The following VWA8 variants were observed in gnomAD, a reference collection of about 807,000 sequenced individuals.
VWA8 encodes von Willebrand factor A domain containing 8, also known as von Willebrand factor A domain-containing protein 8.
A neutral mutation model predicts 241.5 loss-of-function variants in VWA8; 221 were observed. That is an observed-to-expected ratio of 0.91 (90% CI 0.82 to 1.02). VWA8 has a LOEUF of 1.02. VWA8 is among the 50% of genes least tolerant of loss of function. The pLI, the probability that VWA8 is intolerant of heterozygous loss-of-function variation, is 0.00. For missense variants in VWA8, 2,322 were observed against 2,328.7 expected (o/e 1.00, Z 0.06); for synonymous variants, 852 against 827.1 (o/e 1.03, Z -0.52).
At chr13:41,810,540 CAT>C (rs1390992105) in intron 17 of VWA8, among the ~76,000 whole-genome samples, 2 of 152,056 alleles carry the variant, frequency 1.3e-5, no homozygotes, top group African/African-American at 4.8e-5. Flanking sequence ...ACAAACTTCA[CAT>C]GTTTTCACTC....
At chr13:41,900,817 A>G (rs1025231125) in intron 4 of VWA8, among the ~76,000 whole-genome samples, 7 of 152,238 alleles carry the variant, frequency 4.6e-5, no homozygotes, top group African/African-American at 1.7e-4. Flanking sequence ...AAAAGTACTG[A>G]GGAAGCTAAA....
At chr13:41,866,190 T>C (rs887747488) in intron 10 of VWA8, among the ~76,000 whole-genome samples, 154 bp from the exon 11 acceptor site, 11 of 151,794 alleles carry the variant, frequency 7.2e-5, no homozygotes, top group South Asian at 6.2e-4. Flanking sequence ...TCTACAAAAA[T>C]ACAAAAAAAT....
chr13:41,790,797 G>GA (rs573884295), intron 17 of VWA8, among the ~76,000 whole-genome samples: 27 of 152,008 alleles, frequency 1.8e-4, no homozygotes, highest in African/African-American at 6.3e-4. Flanking sequence ...TCTAGAAAAT[G>GA]AATTATGCAT....
intron 37 of VWA8, among the ~76,000 whole-genome samples, chr13:41,619,624 A>T (rs1395189356): frequency 2.0e-5 from 3 of 152,156 alleles, no homozygotes; most frequent in East Asian, 3.8e-4. Flanking sequence ...CATAGCTCTT[A>T]TTATTTTGAG....
intron 17 of VWA8, among the ~76,000 whole-genome samples, chr13:41,799,985 T>C (rs1324445521): frequency 6.6e-6 from 1 of 152,214 alleles, no homozygotes; most frequent in African/African-American, 2.4e-5. Flanking sequence ...ATCTACTTTC[T>C]GTCTCTATGG....
chr13:41,613,807 T>G (rs1466854618), intron 38 of VWA8, among the ~76,000 whole-genome samples: 1 of 152,124 alleles, frequency 6.6e-6, no homozygotes. Context: ...ATCAAATGAC[T>G]TGTTGGGCCA....
At chr13:41,608,488 C>T (rs1325361254) in intron 39 of VWA8, among the ~76,000 whole-genome samples, 1 of 152,178 alleles carries the variant, frequency 6.6e-6, no homozygotes, top group Non-Finnish European at 1.5e-5. Context: ...TGTGGACTAA[C>T]TGCATTTTGT....
chr13:41,749,265 C>G (rs1300582978), intron 21 of VWA8, among the ~76,000 whole-genome samples: 2 of 152,226 alleles, frequency 1.3e-5, no homozygotes, highest in Admixed American at 6.5e-5. Flanking sequence ...TGCTCATCAT[C>G]ACTGGCCATC....
At chr13:41,787,575 G>A (rs537647267) in intron 17 of VWA8, 32 bp from the exon 18 acceptor site, 2 of 1,407,418 alleles carry the variant, frequency 1.4e-6, no homozygotes, top group Non-Finnish European at 2.0e-6. Flanking sequence ...AGGGGGAAAT[G>A]GCTTAAGTCA....
At chr13:41,927,747 T>G (rs1342498262) in intron 2 of VWA8, among the ~76,000 whole-genome samples, 1 of 152,074 alleles carries the variant, frequency 6.6e-6, no homozygotes, top group East Asian at 1.9e-4. Context: ...ATGGAAACAG[T>G]GAGTCCTTAC....
At chr13:41,658,173 G>T (rs75136853) in intron 37 of VWA8, among the ~76,000 whole-genome samples, 4 of 152,178 alleles carry the variant, frequency 2.6e-5, no homozygotes, top group Admixed American at 6.5e-5. Context: ...TTTCAGAAAC[G>T]TTTAGCTGGG....
At chr13:41,923,179 A>G (rs986125166) in intron 2 of VWA8, among the ~76,000 whole-genome samples, 1 of 152,174 alleles carries the variant, frequency 6.6e-6, no homozygotes, top group African/African-American at 2.4e-5. Flanking sequence ...GCAAACTACC[A>G]CAAGGACAGA....
chr13:41,882,357 C>T (rs995678093), intron 9 of VWA8, among the ~76,000 whole-genome samples: 2 of 148,360 alleles, frequency 1.3e-5, no homozygotes, highest in African/African-American at 5.0e-5. Flanking sequence ...ACGTCCCAGA[C>T]GACGGGCGGC....
chr13:41,614,903 G>C (rs2044611192), intron 38 of VWA8, 73 bp downstream of exon 38: 1 of 1,439,272 alleles, frequency 6.9e-7, no homozygotes, highest in Non-Finnish European at 9.7e-7. Flanking sequence ...GTCTTCTCAG[G>C]GGCGATGTGC....
intron 1 of VWA8, among the ~76,000 whole-genome samples, chr13:41,951,988 A>G (rs545195871): frequency 8.5e-5 from 13 of 152,326 alleles, no homozygotes; most frequent in South Asian, 2.1e-4. Flanking sequence ...AAGCAAGGCA[A>G]AAGATGATGA....
chr13:41,876,730 T>C (rs752482065), intron 9 of VWA8, among the ~76,000 whole-genome samples: 3 of 152,148 alleles, frequency 2.0e-5, no homozygotes, highest in Non-Finnish European at 4.4e-5. Context: ...TTTGAGTGAA[T>C]ATTATAACTC....
intron 35 of VWA8, among the ~76,000 whole-genome samples, chr13:41,683,790 T>G (rs1457666893): frequency 6.6e-6 from 1 of 152,098 alleles, no homozygotes; most frequent in Non-Finnish European, 1.5e-5. Flanking sequence ...CAAGATATAT[T>G]TGCAAGGCTG....
At chr13:41,597,848 C>A (rs1209571722) in intron 40 of VWA8, among the ~76,000 whole-genome samples, 1 of 151,926 alleles carries the variant, frequency 6.6e-6, no homozygotes, top group African/African-American at 2.4e-5. Flanking sequence ...AGGCCCCACA[C>A]TGAGGAGTCA....
At chr13:41,770,872 A>G (rs1301405944) in intron 20 of VWA8, among the ~76,000 whole-genome samples, 2 of 149,010 alleles carry the variant, frequency 1.3e-5, no homozygotes, top group African/African-American at 4.9e-5. Context: ...TTATTTTGTA[A>G]AGTGATATAA....
Sources: gnomAD v4.1 joint callset for allele counts (sites outside exome capture counted in the v4.1 genomes callset) on GRCh38, gnomAD v4.1.1 for gene constraint, MANE v1.5 for transcripts, NCBI Gene and HGNC (gene_info 2026-07-23, HGNC 2026-07-21) for gene names.